The following C12orf42 variants were observed in gnomAD, a reference collection of about 807,000 sequenced individuals.
The protein encoded by C12orf42 is chromosome 12 open reading frame 42.
A neutral mutation model predicts 21.6 loss-of-function variants in C12orf42; 25 were observed. That is an observed-to-expected ratio of 1.16 (90% confidence interval 0.84 to 1.62). The LOEUF (loss-of-function observed/expected upper bound fraction) is 1.62. Ranked by LOEUF, C12orf42 falls within the 40% of genes most tolerant of loss-of-function variation. The pLI is 0.00. For missense variants in C12orf42, 483 were observed against 459.3 expected (o/e 1.05, Z -0.47); for synonymous variants, 174 against 175.0 (o/e 0.99, Z 0.05).
the C12orf42 span, among the ~76,000 whole-genome samples, chr12:103,543,840 C>T: frequency 3.3e-5 from 5 of 151,238 alleles, no homozygotes; most frequent in African/African-American, 1.2e-4. Flanking sequence ...CAAGTACATC[C>T]TTTTAGAATT....
intron 2 of C12orf42, among the ~76,000 whole-genome samples, chr12:103,409,543 G>A (rs1161158482): frequency 1.3e-5 from 2 of 152,182 alleles, no homozygotes; most frequent in East Asian, 3.9e-4. Context: ...GGCTTTTAAG[G>A]TTCAATAAGA....
the C12orf42 span, chr12:103,164,602 A>G: frequency 4.8e-6 from 2 of 420,002 alleles, no homozygotes; most frequent in African/African-American, 4.1e-5. Flanking sequence ...TTTACATAGT[A>G]TATCAATATT....
chr12:103,472,540 T>C (rs1431863981), intron 2 of C12orf42, among the ~76,000 whole-genome samples: 6 of 152,156 alleles, frequency 3.9e-5, no homozygotes, highest in Non-Finnish European at 8.8e-5. Flanking sequence ...GGCTCACAGC[T>C]CAGGACACTG....
At chr12:103,058,995 A>T in the C12orf42 span, among the ~76,000 whole-genome samples, 14 of 152,156 alleles carry the variant, frequency 9.2e-5, no homozygotes, top group Admixed American at 2.0e-4. Context: ...ACTGAAGGAG[A>T]TAGAGACATG....
chr12:103,134,315 G>T, the C12orf42 span, among the ~76,000 whole-genome samples: 1 of 151,876 alleles, frequency 6.6e-6, no homozygotes, highest in Non-Finnish European at 1.5e-5. Context: ...TGATATTAAA[G>T]AAACTCAGTT....
the C12orf42 span, chr12:103,155,323 G>A: frequency 6.6e-6 from 1 of 152,158 alleles, no homozygotes; most frequent in African/African-American, 2.4e-5. Flanking sequence ...ACCTCAAGCT[G>A]TTGGGAATGT....
At chr12:103,448,749 C>G (rs1951737849) in intron 2 of C12orf42, among the ~76,000 whole-genome samples, 1 of 151,814 alleles carries the variant, frequency 6.6e-6, no homozygotes, top group Admixed American at 6.6e-5. Context: ...CACCTCACTC[C>G]TGCATGAATG....
the C12orf42 span, among the ~76,000 whole-genome samples, chr12:103,170,521 T>A: frequency 3.3e-3 from 497 of 152,190 alleles, 1 homozygote; most frequent in African/African-American, 0.012. Flanking sequence ...CTCACTTACT[T>A]GTCCATTTCT....
At chr12:103,135,620 A>G in the C12orf42 span, among the ~76,000 whole-genome samples, 1 of 152,222 alleles carries the variant, frequency 6.6e-6, no homozygotes, top group Non-Finnish European at 1.5e-5. Flanking sequence ...ACATATCAAT[A>G]ACAATTTTGA....
the C12orf42 span, among the ~76,000 whole-genome samples, chr12:103,176,543 T>C: frequency 6.6e-6 from 1 of 152,194 alleles, no homozygotes; most frequent in African/African-American, 2.4e-5. Context: ...AATTTTCTGG[T>C]CCCATTCTGT....
the C12orf42 span, among the ~76,000 whole-genome samples, chr12:103,068,983 AT>A: frequency 3.1e-5 from 3 of 95,496 alleles, no homozygotes; most frequent in Non-Finnish European, 4.2e-5. Flanking sequence ...ATATATATAT[AT>A]ATATATAATC....
intron 5 of C12orf42, among the ~76,000 whole-genome samples, chr12:103,270,761 A>T (rs1335337764): frequency 8.1e-6 from 1 of 124,136 alleles, no homozygotes; most frequent in Non-Finnish European, 1.7e-5. Flanking sequence ...CCAGAGTGTG[A>T]TGTTCCCCTT....
At chr12:103,153,475 A>G in the C12orf42 span, among the ~76,000 whole-genome samples, 1 of 152,166 alleles carries the variant, frequency 6.6e-6, no homozygotes, top group Non-Finnish European at 1.5e-5. Context: ...CTCACAAATC[A>G]ATTTTAAAAA....
chr12:103,183,758 T>C, the C12orf42 span, among the ~76,000 whole-genome samples: 4 of 152,208 alleles, frequency 2.6e-5, no homozygotes, highest in Admixed American at 2.6e-4. Context: ...TTCCACATTT[T>C]ATACACTCGT....
At chr12:103,489,839 T>C (rs1233412545) in intron 1 of C12orf42, among the ~76,000 whole-genome samples, 4 of 152,208 alleles carry the variant, frequency 2.6e-5, no homozygotes, top group Non-Finnish European at 5.9e-5. Context: ...GTCCTGTTTT[T>C]CCAAGTATAG....
the C12orf42 span, among the ~76,000 whole-genome samples, chr12:103,068,008 G>T: frequency 6.6e-6 from 1 of 152,106 alleles, no homozygotes; most frequent in African/African-American, 2.4e-5. Flanking sequence ...ACTACAAATG[G>T]CCCAGACCCT....
chr12:103,464,617 G>A (rs559800321), intron 2 of C12orf42, among the ~76,000 whole-genome samples: 120 of 152,174 alleles, frequency 7.9e-4, no homozygotes, highest in African/African-American at 2.7e-3. Context: ...TGTTTTTGAT[G>A]TTTTCATCAT....
intron 2 of C12orf42, among the ~76,000 whole-genome samples, chr12:103,421,578 TATAAATAAATAA>T (rs58157140): frequency 0.58 from 85,628 of 147,140 alleles, 25,541 homozygotes; most frequent in Admixed American, 0.68. Flanking sequence ...TGTCAATAAA[TATAAATAAATAA>T]ATAAATAAAT....
intron 5 of C12orf42, among the ~76,000 whole-genome samples, chr12:103,272,713 T>C (rs1048082737): frequency 6.6e-6 from 1 of 152,142 alleles, no homozygotes; most frequent in African/African-American, 2.4e-5. Context: ...GAGAGTCTAT[T>C]TTTCTAAAGA....
Sources: allele counts gnomAD v4.1 joint callset (sites outside exome capture counted in the v4.1 genomes callset), GRCh38; gene constraint gnomAD v4.1.1; transcripts MANE v1.5; gene names NCBI Gene and HGNC (gene_info 2026-07-23, HGNC 2026-07-21).